Variants in ASAP1 observed in about 807,000 individuals in gnomAD.
ASAP1 encodes the protein ArfGAP with SH3 domain, ankyrin repeat and PH domain 1, also known as arf-GAP with SH3 domain, ANK repeat and PH domain-containing protein 1.
In ASAP1, 43 loss-of-function variants were observed where a neutral mutation model predicts 145.2. The observed-to-expected ratio is 0.30, with a 90% CI of 0.23 to 0.38. The LOEUF (loss-of-function observed/expected upper bound fraction) is 0.38, where lower values mean the gene tolerates loss of function less well. Among genes scored for constraint, ASAP1 ranks in the 10% least tolerant of loss-of-function variants. The pLI is 1.00. For synonymous variants in ASAP1, 546 were observed against 515.5 expected (o/e 1.06, Z -0.80); for missense variants, 1,018 against 1,355.3 (o/e 0.75, Z 3.91).
At chr8:130,242,615 T>TA (rs1344637186) in intron 3 of ASAP1, among the ~76,000 whole-genome samples, 1 of 152,110 alleles carries the variant, frequency 6.6e-6, no homozygotes, top group Non-Finnish European at 1.5e-5. Flanking sequence ...AAAAGTGACA[T>TA]AAGTTCTCAT....
intron 3 of ASAP1, among the ~76,000 whole-genome samples, chr8:130,286,830 T>A: frequency 6.6e-6 from 1 of 152,238 alleles, no homozygotes; most frequent in East Asian, 1.9e-4. Flanking sequence ...CTTATCATTA[T>A]GAAATGATGA....
chr8:130,242,261 TAAAAA>T (rs571916495), intron 3 of ASAP1, among the ~76,000 whole-genome samples: 1 of 85,342 alleles, frequency 1.2e-5, no homozygotes, highest in African/African-American at 4.8e-5. Flanking sequence ...GTGATTTCCT[TAAAAA>T]AAAAAAAAAA....
intron 1 of ASAP1, among the ~76,000 whole-genome samples, chr8:130,406,558 T>C (rs1829039490): frequency 6.6e-6 from 1 of 151,846 alleles, no homozygotes; most frequent in East Asian, 1.9e-4. Context: ...CTCTGCTCAC[T>C]GCAACCTCCG....
chr8:130,060,840 G>A lies in ASAP1; in HGVS notation c.2931C>T (p.Leu977=), dbSNP rs2097417845. 1.9e-6 allele frequency: 3 copies of A among 1,613,830 alleles called. No individual in the cohort carries two copies. Among genetic ancestry groups the A allele is most frequent in the Non-Finnish European group, 2.5e-6 (3 of 1,179,996 alleles). The change falls in exon 28 of 30, where the codon CTC becomes CTT. Residue 977 remains leucine (L), a synonymous_variant. Transcript: ENST00000518721. ...QLGDLPPKPQ[L]SDLPPKPQMK... is the part of the protein sequence containing the mutation. ...TCTGTGGTTTGGGAGGTAAGTCTGAGAGTTGGGGTTTGGGTGGCAGGTCCC... is the reference window on the plus strand; with the variant it reads ...TCTGTGGTTTGGGAGGTAAGTCTGAAAGTTGGGGTTTGGGTGGCAGGTCCC...
intron 15 of ASAP1, among the ~76,000 whole-genome samples, chr8:130,129,792 C>T (rs1007878841): frequency 6.6e-6 from 1 of 152,150 alleles, no homozygotes. Context: ...AACGCATATA[C>T]ACAGCTTAAC....
intron 15 of ASAP1, among the ~76,000 whole-genome samples, chr8:130,132,372 C>CA (rs1293341976): frequency 6.6e-6 from 1 of 151,952 alleles, no homozygotes; most frequent in Non-Finnish European, 1.5e-5. Flanking sequence ...AGTCACCTTT[C>CA]AGTCTACCAA....
intron 15 of ASAP1, among the ~76,000 whole-genome samples, chr8:130,129,994 T>C (rs2097580641): frequency 6.6e-6 from 1 of 152,232 alleles, no homozygotes; most frequent in South Asian, 2.1e-4. Flanking sequence ...ATTACTGCAT[T>C]TTATCAGCGG....
intron 5 of ASAP1, among the ~76,000 whole-genome samples, chr8:130,204,036 A>G (rs538810256): frequency 1.9e-4 from 29 of 152,322 alleles, no homozygotes; most frequent in African/African-American, 6.7e-4. Context: ...ACGGGTCCCC[A>G]GTCCCCAGGC....
At chr8:130,223,373 G>A (rs1324876421) in intron 4 of ASAP1, among the ~76,000 whole-genome samples, 4 of 152,118 alleles carry the variant, frequency 2.6e-5, no homozygotes, top group African/African-American at 7.2e-5. Flanking sequence ...AACTTCATAC[G>A]TGAAATGGGA....
At chr8:130,241,100 T>C (rs1403640058) in intron 3 of ASAP1, among the ~76,000 whole-genome samples, 3 of 152,236 alleles carry the variant, frequency 2.0e-5, no homozygotes, top group East Asian at 3.9e-4. Flanking sequence ...GAGACGCGTA[T>C]GAATCTGACC....
At chr8:130,060,106 TAG>T (rs1334671946) in intron 28 of ASAP1, among the ~76,000 whole-genome samples, 65 of 82,616 alleles carry the variant, frequency 7.9e-4, no homozygotes, top group African/African-American at 2.8e-3. Flanking sequence ...AAAAAAAAAA[TAG>T]AGAGAGAGAG....
At chr8:130,377,718 G>T (rs958231049) in intron 2 of ASAP1, among the ~76,000 whole-genome samples, 1 of 152,196 alleles carries the variant, frequency 6.6e-6, no homozygotes, top group African/African-American at 2.4e-5. Context: ...AATGCAGCCA[G>T]CAGAAAGTCA....
intron 3 of ASAP1, among the ~76,000 whole-genome samples, chr8:130,296,506 C>A: frequency 6.8e-6 from 1 of 147,752 alleles, no homozygotes; most frequent in East Asian, 2.0e-4. Context: ...CCTGCTACTT[C>A]CCTTTTTTTT....
intron 7 of ASAP1, among the ~76,000 whole-genome samples, chr8:130,181,198 T>G (rs565929145): frequency 3.3e-5 from 5 of 152,312 alleles, no homozygotes; most frequent in East Asian, 3.9e-4. Context: ...GCAAGAATTC[T>G]TAAGTTGGTA....
At chr8:130,285,945 A>T (rs892639363) in intron 3 of ASAP1, among the ~76,000 whole-genome samples, 1 of 152,222 alleles carries the variant, frequency 6.6e-6, no homozygotes, top group Admixed American at 6.5e-5. Flanking sequence ...ATAATTTGCT[A>T]CCTGTCTTAA....
rs1271743913 is a variant in ASAP1, at chr8:130,359,326, A to AC, written c.60-1184dup. 5.9e-5 allele frequency among the ~76,000 whole-genome samples: 9 copies of AC among 152,072 alleles called. No individual in the cohort carries two copies. In the East Asian group the frequency reaches 1.7e-3, roughly 29 times the overall value. On this transcript the variant is annotated intron_variant, in intron 2 of 29. Coordinates refer to ENST00000518721, the MANE Select transcript of ASAP1 (RefSeq NM_018482.4). The stretch of plus-strand genomic sequence containing the variant: ...GCCAAATTTCGGTGGAAAAAGTACC[A>AC]CCTCACTCCTCGGCCTTGACAGATG...
intron 22 of ASAP1, among the ~76,000 whole-genome samples, 192 bp from the exon 23 acceptor site, chr8:130,115,927 A>T (rs2097555112): frequency 6.6e-6 from 1 of 152,240 alleles, no homozygotes; most frequent in Admixed American, 6.5e-5. Flanking sequence ...AAACAATTGC[A>T]GGCAGAGCCT....
At chr8:130,310,713 T>C (rs1823289923) in intron 3 of ASAP1, among the ~76,000 whole-genome samples, 3 of 152,136 alleles carry the variant, frequency 2.0e-5, no homozygotes, top group African/African-American at 2.4e-5. Context: ...GAAAACTTTA[T>C]TGAGCAAGCA....
At chr8:130,264,115 C>T (rs1215790250) in intron 3 of ASAP1, among the ~76,000 whole-genome samples, 1 of 151,898 alleles carries the variant, frequency 6.6e-6, no homozygotes, top group Non-Finnish European at 1.5e-5. Flanking sequence ...ACACACATGT[C>T]TTTCTTGAGT....
Sources: gnomAD v4.1 joint callset for allele counts (sites outside exome capture counted in the v4.1 genomes callset) on GRCh38, gnomAD v4.1.1 for gene constraint, MANE v1.5 for transcripts, NCBI Gene and HGNC (gene_info 2026-07-23, HGNC 2026-07-21) for gene names.